COL11A2: variants seen among roughly 807,000 people sequenced by gnomAD.
COL11A2 encodes collagen alpha-2(XI) chain.
A neutral mutation model predicts 273.4 loss-of-function variants in COL11A2; 116 were observed. The ratio of observed to expected loss-of-function variants is 0.42; its 90% confidence interval spans 0.36 to 0.49. The LOEUF is 0.49. Among genes scored for constraint, COL11A2 ranks in the 20% least tolerant of loss-of-function variants. The pLI, the probability that COL11A2 is intolerant of heterozygous loss-of-function variation, is 0.00. For synonymous variants in COL11A2, 782 were observed against 864.2 expected (o/e 0.90, Z 1.67); for missense variants, 1,866 against 2,309.0 (o/e 0.81, Z 3.93).
chr6:33,177,637 G>A lies in COL11A2; in HGVS notation c.1917+25C>T, dbSNP rs572918721. ...GGGACCTCGGGGGATAAGAATGGGG[G>A]TGGGATCTCCTATCCATCACTCACC... On this transcript the variant is annotated intron_variant, in intron 22 of 65. Transcript: ENST00000341947. The surrounding 1 kb of genome is among the most constrained non-coding windows in gnomAD (Gnocchi z 5.9). 3.1e-6 allele frequency: 5 copies of A among 1,612,500 alleles called. No homozygotes were observed. The Admixed American group carries it at 8.3e-5, about 27-fold the overall frequency.
intron 6 of COL11A2, among the ~76,000 whole-genome samples, chr6:33,185,313 G>A (rs2150606018): frequency 6.6e-6 from 1 of 152,292 alleles, no homozygotes; most frequent in African/African-American, 2.4e-5. Context: ...CTGGTCCTGG[G>A]GCGGGGCCAG....
Position 33,181,180 on chromosome 6 carries a change from A to T in COL11A2, c.1120-10T>A. On this transcript the variant is annotated splice_polypyrimidine_tract_variant and intron_variant, in intron 8 of 65. Coordinates refer to ENST00000341947, the MANE Select transcript of COL11A2 (RefSeq NM_080680.3). Reference sequence around the variant, plus strand: ...GGGGTCCATGGGCAGCCTGAAGGAGACACACATGTAGCCCCCAGTGGGGCC... The same window carrying T: ...GGGGTCCATGGGCAGCCTGAAGGAGTCACACATGTAGCCCCCAGTGGGGCC... The T allele has an allele frequency of 6.2e-7, 1 of 1,613,994 alleles. No homozygotes were observed. Among genetic ancestry groups the T allele is most frequent in the South Asian group, 1.1e-5 (1 of 91,080 alleles).
chr6:33,174,685 C>T, intron 30 of COL11A2, 105 bp from the exon 31 acceptor site: 3 of 955,246 alleles, frequency 3.1e-6, no homozygotes, highest in African/African-American at 1.6e-5. Context: ...CACCCAGCAA[C>T]ACACCCCACA....
At position 33,179,722 on chromosome 6, in the gene COL11A2, C is replaced by G. The variant is rs146421083; in HGVS notation, c.1443G>C (p.Ala481=). 1.1e-5 allele frequency: 18 copies of G among 1,611,918 alleles called. No individual in the cohort carries two copies. In the African/African-American group the frequency reaches 1.9e-4, roughly 17 times the overall value. The stretch of plus-strand genomic sequence containing the variant: ...CCAGGGAAGCAGCCCCACTCACCCT[C>G]GCCTGCTGCAGGATCGCCTGGGCCT... ...EAQAQAILQQ[A]RLALRGPPGP... is the part of the protein sequence containing the mutation. The change falls in exon 13 of 66, where the codon GCG becomes GCC. Residue 481 remains alanine (A), a synonymous_variant. Coordinates refer to ENST00000341947, the MANE Select transcript of COL11A2 (RefSeq NM_080680.3). This position sits in a 1 kb window ranked among gnomAD's most constrained non-coding sequence, Gnocchi z 6.4.
chr6:33,178,816 G>A lies in COL11A2; in HGVS notation c.1666-84C>T. On this transcript the variant is annotated intron_variant, in intron 17 of 65. Coordinates refer to ENST00000341947, the MANE Select transcript of COL11A2 (RefSeq NM_080680.3). The surrounding 1 kb of genome is among the most constrained non-coding windows in gnomAD (Gnocchi z 4.6). The stretch of plus-strand genomic sequence containing the variant: ...CTACTGCACCCTGAGCTGGGGGGGT[G>A]CTGATCCTGGGGAAGCCTGGAGAAC... The A allele has an allele frequency of 6.2e-7, 1 of 1,605,988 alleles. No homozygotes were observed. Among genetic ancestry groups the A allele is most frequent in the Non-Finnish European group, 8.5e-7 (1 of 1,173,854 alleles).
chr6:33,185,780 T>A lies in COL11A2; in HGVS notation c.799-2A>T. On this transcript the variant is annotated splice_acceptor_variant, in intron 5 of 65. Coordinates refer to ENST00000341947, the MANE Select transcript of COL11A2 (RefSeq NM_080680.3). LOFTEE classifies it high-confidence loss of function. ...GTCATAGTAGAGAGACTCAGTGGGC[T>A]GGGATTGGGGGGTGGGCATAGACAG... 9.0e-7 allele frequency: 1 copy of A among 1,114,978 alleles called. No individual in the cohort carries two copies. The highest frequency in any genetic ancestry group is 1.2e-6 in the Non-Finnish European group (1 of 856,526). 69.1% of individuals were successfully genotyped at this position (1,114,978 alleles called of 1,614,324 possible).
Position 33,168,827 on chromosome 6 carries a change from TACCC to T in COL11A2, c.3853-72_3853-69del, listed in dbSNP as rs1209141320. The T allele has an allele frequency of 5.6e-6, 9 of 1,604,318 alleles. 1 individual carries two copies. The highest frequency in any genetic ancestry group is 7.7e-6 in the Non-Finnish European group (9 of 1,174,856). ...CTGGCATCACCTCCAAAACTGTCAA[TACCC>T]CATCCCCTTGCCCACCCTGCCATAC... On this transcript the variant is annotated intron_variant, in intron 52 of 65. Coordinates refer to ENST00000341947, the MANE Select transcript of COL11A2 (RefSeq NM_080680.3).
At position 33,176,621 on chromosome 6, in the gene COL11A2, A is replaced by T; in HGVS notation, c.2115+100T>A. 1 of 1,396,926 alleles carries T rather than the reference A, an allele frequency of 7.2e-7. No individual in the cohort carries two copies. The highest frequency in any genetic ancestry group is 1.0e-6 in the Non-Finnish European group (1 of 994,252). 86.5% of individuals were successfully genotyped at this position (1,396,926 alleles called of 1,614,324 possible). On this transcript the variant is annotated intron_variant, in intron 26 of 65. Transcript: ENST00000341947. The surrounding 1 kb of genome is among the most constrained non-coding windows in gnomAD (Gnocchi z 4.9). ...GGGGCACAGGAATTGAGAATGTGGC[A>T]GAGCCATATGAATAATGAGACAAGG...
intron 8 of COL11A2, among the ~76,000 whole-genome samples, chr6:33,183,851 A>G (rs2855465): frequency 6.6e-6 from 1 of 152,156 alleles, no homozygotes; most frequent in Non-Finnish European, 1.5e-5. Flanking sequence ...ATCCAGCTTC[A>G]GTTAGACAGG....
chr6:33,171,428 T>G, intron 43 of COL11A2, 39 bp downstream of exon 43: 3 of 1,611,116 alleles, frequency 1.9e-6, no homozygotes, highest in African/African-American at 1.3e-5. Context: ...CCATCTCATC[T>G]GGAAAGAAGA....
Position 33,170,999 on chromosome 6 carries a change from C to T in COL11A2, c.3367-82G>A, listed in dbSNP as rs1156836619. ...GTTCTCTATCCACAAATACCACACA[C>T]AGCTGGGTGCCAGGCCCAGAGCCCC... On this transcript the variant is annotated intron_variant, in intron 45 of 65. Transcript: ENST00000341947. The surrounding 1 kb of genome is among the most constrained non-coding windows in gnomAD (Gnocchi z 4.3). 6 of 1,580,410 alleles carry T rather than the reference C, an allele frequency of 3.8e-6. No homozygotes were observed. The highest frequency in any genetic ancestry group is 5.2e-6 in the Non-Finnish European group (6 of 1,152,962).
intron 5 of COL11A2, 98 bp from the exon 6 acceptor site, chr6:33,185,876 T>C: frequency 2.2e-6 from 1 of 444,588 alleles, no homozygotes; most frequent in Non-Finnish European, 4.6e-6. Flanking sequence ...GGTGTGGGAG[T>C]TGGGAAACGG....
rs1167435160 is a variant in COL11A2, at chr6:33,192,254, A to G, written c.-14T>C. 1 of 1,552,756 alleles carries G rather than the reference A, an allele frequency of 6.4e-7. No homozygotes were observed. Among genetic ancestry groups the G allele is most frequent in the Admixed American group, 2.0e-5 (1 of 51,174 alleles). On this transcript the variant is annotated 5_prime_UTR_variant, in exon 1 of 66. Coordinates refer to ENST00000341947, the MANE Select transcript of COL11A2 (RefSeq NM_080680.3). ...GCACCGCTCCATGGCTGAGAAGCCG[A>G]AACGCCGGGTCCCAGGGACCCAGGT...
intron 30 of COL11A2, among the ~76,000 whole-genome samples, chr6:33,174,975 C>A (rs1770693699): frequency 6.6e-6 from 1 of 152,112 alleles, no homozygotes; most frequent in South Asian, 2.1e-4. Flanking sequence ...CACACCCCGA[C>A]TCCCGTGCAT....
chr6:33,180,982 A>AG lies in COL11A2; in HGVS notation c.1202dup (p.Gly402TrpfsTer61). Reference sequence around the variant, plus strand: ...GACTTACCGCAGGGCCTTCTGGGCCAGGGGGCCCCTCCACGAGCATACCCT... The same window carrying AG: ...GACTTACCGCAGGGCCTTCTGGGCCAGGGGGGCCCCTCCACGAGCATACCCT... On this transcript the variant is annotated frameshift_variant, in exon 10 of 66. Transcript: ENST00000341947. LOFTEE classifies it high-confidence loss of function. 6.2e-7 allele frequency: 1 copy of AG among 1,614,048 alleles called. No homozygotes were observed. The highest frequency in any genetic ancestry group is 8.5e-7 in the Non-Finnish European group (1 of 1,179,954).
intron 4 of COL11A2, 67 bp downstream of exon 4, chr6:33,188,295 G>A: frequency 6.3e-7 from 1 of 1,577,282 alleles, no homozygotes; most frequent in Non-Finnish European, 8.7e-7. Context: ...ACATGCTGGG[G>A]CCAGAAGGGT....
At position 33,178,773 on chromosome 6, in the gene COL11A2, G is replaced by A; in HGVS notation, c.1666-41C>T. 2 of 1,611,722 alleles carry A rather than the reference G, an allele frequency of 1.2e-6. No homozygotes were observed. Among genetic ancestry groups the A allele is most frequent in the Non-Finnish European group, 1.7e-6 (2 of 1,178,968 alleles). ...ATAGCCAGAGTGAGGACACGACCCT[G>A]TCCAAGCCCACCCCTCCCTACTGCA... On this transcript the variant is annotated intron_variant, in intron 17 of 65. Transcript: ENST00000341947. This position sits in a 1 kb window ranked among gnomAD's most constrained non-coding sequence, Gnocchi z 4.6.
At position 33,169,370 on chromosome 6, in the gene COL11A2, G is replaced by A. The variant is rs1276150396; in HGVS notation, c.3798+13C>T. On this transcript the variant is annotated intron_variant, in intron 51 of 65. Transcript: ENST00000341947. This position sits in a 1 kb window ranked among gnomAD's most constrained non-coding sequence, Gnocchi z 5.5. Reference sequence around the variant, plus strand: ...GGCCTGAGAGGACTCAGCCCCCACTGCCCCAAACTCACAGGGTTCCCTTTG... The same window carrying A: ...GGCCTGAGAGGACTCAGCCCCCACTACCCCAAACTCACAGGGTTCCCTTTG... 1.2e-6 allele frequency: 2 copies of A among 1,608,814 alleles called. No homozygotes were observed. The highest frequency in any genetic ancestry group is 2.7e-5 in the African/African-American group (2 of 74,938).
rs1327965848 is a variant in COL11A2, at chr6:33,167,498, T to A, written c.4050A>T (p.Thr1350=). 3 of 1,612,600 alleles carry A rather than the reference T, an allele frequency of 1.9e-6. No homozygotes were observed. The highest frequency in any genetic ancestry group is 2.7e-5 in the African/African-American group (2 of 74,908). The change falls in exon 56 of 66, where the codon ACA becomes ACT. Residue 1350 remains threonine (T), a synonymous_variant. Coordinates refer to ENST00000341947, the MANE Select transcript of COL11A2 (RefSeq NM_080680.3). The surrounding 1 kb of genome is among the most constrained non-coding windows in gnomAD (Gnocchi z 6.1). ...DPGAIGAPGK[T]GPVGPAGPAG... is the part of the protein sequence containing the mutation. ...CTGGGCCTGCAGGACCCACCGGGCC[T>A]GTCTTCCCCGGGGCACCTATAGCGC... is the stretch of plus-strand genomic sequence containing the variant.
Sources: gnomAD v4.1 joint callset for allele counts (sites outside exome capture counted in the v4.1 genomes callset) on GRCh38, gnomAD v4.1.1 for gene constraint, Gnocchi (gnomAD v3.1) non-coding constraint, MANE v1.5 for transcripts, NCBI Gene and HGNC (gene_info 2026-07-23, HGNC 2026-07-21) for gene names.